The following PHF10 variants were observed in gnomAD, a reference collection of about 807,000 sequenced individuals.
PHF10 encodes BRG1-associated factor 45a.
A neutral mutation model predicts 68.5 loss-of-function variants in PHF10; 51 were observed. The ratio of observed to expected loss-of-function variants is 0.74; its 90% CI spans 0.59 to 0.94. The LOEUF is 0.94. Among genes scored for constraint, PHF10 ranks in the 40% least tolerant of loss-of-function variants. The pLI, the probability that PHF10 is intolerant of heterozygous loss-of-function variation, is 0.00. For missense variants in PHF10, 460 were observed against 602.6 expected, an observed-to-expected ratio of 0.76 and a Z score of 2.48; for synonymous variants, 204 against 203.5, an observed-to-expected ratio of 1.00 and a Z score of -0.02.
intron 9 of PHF10, chr6:169,707,090 A>C (rs1407598413): frequency 6.6e-6 from 1 of 152,360 alleles, no homozygotes; most frequent in Non-Finnish European, 1.5e-5. Flanking sequence ...AATAGAATAA[A>C]AACAAGAACT....
At chr6:169,709,228 A>C (rs1788874402) in intron 9 of PHF10, 1 of 152,202 alleles carries the variant, frequency 6.6e-6, no homozygotes, top group Non-Finnish European at 1.5e-5. Context: ...GACTTACTTC[A>C]GCCTGTTCTT....
chr6:169,721,457 A>C (rs1426092331), intron 1 of PHF10, among the ~76,000 whole-genome samples: 2 of 152,234 alleles, frequency 1.3e-5, no homozygotes, highest in South Asian at 4.1e-4. Context: ...TACAGTTCTC[A>C]ATTCAACTTG....
chr6:169,710,271 G>T lies in PHF10; in HGVS notation c.1078C>A (p.Arg360Ser), dbSNP rs1365371447. The change falls in exon 9 of 12, where the codon CGT (arginine) becomes AGT (serine). Residue 360 changes from arginine to serine, a missense_variant. Transcript: ENST00000339209. ...GGAACTGACTTGGACAGTACAGAAC[G>T]TTTGGGACCATCTTTTCTTGGAGTG... ...AATPRKDGPK[R>S]SVLSKSVPGY... is the part of the protein sequence containing the mutation. The T allele has an allele frequency of 6.2e-7, 1 of 1,612,810 alleles. No individual in the cohort carries two copies. The highest frequency in any genetic ancestry group is 1.1e-5 in the South Asian group (1 of 91,038).
At chr6:169,704,440 T>C (rs533438568) in intron 11 of PHF10, 23 of 229,790 alleles carry the variant, frequency 1.0e-4, no homozygotes, top group Non-Finnish European at 1.9e-4. Context: ...TCTCTCCTGC[T>C]CACTGGCAGC....
chr6:169,722,568 T>C (rs1789204947), intron 1 of PHF10, among the ~76,000 whole-genome samples: 1 of 152,224 alleles, frequency 6.6e-6, no homozygotes, highest in Non-Finnish European at 1.5e-5. Flanking sequence ...TGTTTTAAAT[T>C]ACTACTACAA....
chr6:169,712,032 CT>C (rs1788937134), intron 8 of PHF10, among the ~76,000 whole-genome samples: 1 of 152,130 alleles, frequency 6.6e-6, no homozygotes. Flanking sequence ...AGCAAATGCA[CT>C]CCCCTCAACT....
intron 7 of PHF10, among the ~76,000 whole-genome samples, chr6:169,713,184 C>T (rs1788965126): frequency 6.6e-6 from 1 of 152,120 alleles, no homozygotes; most frequent in South Asian, 2.1e-4. Context: ...CCTCAGTAGC[C>T]CCCATTCAGG....
At chr6:169,716,248 A>G (rs569865422) in intron 4 of PHF10, among the ~76,000 whole-genome samples, 160 bp from the exon 5 acceptor site, 1 of 152,332 alleles carries the variant, frequency 6.6e-6, no homozygotes, top group Non-Finnish European at 1.5e-5. Context: ...ATTAAACTTA[A>G]TATTCACAAT....
intron 7 of PHF10, among the ~76,000 whole-genome samples, chr6:169,714,081 A>G (rs578011207): frequency 6.6e-6 from 1 of 151,830 alleles, no homozygotes; most frequent in Non-Finnish European, 1.5e-5. Context: ...AAATCACACT[A>G]CCACACTCCA....
At chr6:169,704,178 C>A (rs117299617) in intron 11 of PHF10, 90 bp from the exon 12 acceptor site, 1 of 880,478 alleles carries the variant, frequency 1.1e-6, no homozygotes, top group Non-Finnish European at 1.7e-6. Flanking sequence ...TTAGCTATCA[C>A]TAATGATATT....
intron 1 of PHF10, among the ~76,000 whole-genome samples, chr6:169,722,807 G>T (rs924955541): frequency 2.6e-5 from 4 of 152,212 alleles, no homozygotes; most frequent in African/African-American, 9.7e-5. Context: ...CAGATCAGAT[G>T]AATTTCTATG....
rs1237628119 is a variant in PHF10 at position 169,724,484 on chromosome 6, G to A, written c.-553C>T. Among the ~76,000 whole-genome samples, 4 of 104,122 alleles carry A rather than the reference G, an allele frequency of 3.8e-5. No homozygotes were observed. The highest frequency in any genetic ancestry group is 3.9e-5 in the Non-Finnish European group (2 of 51,170). The allele number at this position is 104,122 out of a possible 152,430, so 68.3% of individuals were successfully genotyped here. A position where few individuals can be genotyped will look rare whatever the true frequency, so the allele number is the denominator to read the frequency against. ...GCCCCGCCGCCGCCTGGCTCCCCAC[G>A]GCCCGGCGTTGTACTCGGCCGCGGC... On this transcript the variant is annotated 5_prime_UTR_variant, in exon 1 of 12. Coordinates refer to ENST00000339209, the MANE Select transcript of PHF10 (RefSeq NM_018288.4).
chr6:169,705,391 A>G, intron 10 of PHF10, 70 bp from the exon 11 acceptor site: 1 of 1,071,872 alleles, frequency 9.3e-7, no homozygotes, highest in Non-Finnish European at 1.4e-6. Context: ...ATAAAATACT[A>G]GTTTGCTTTA....
Position 169,703,950 on chromosome 6 carries a change from G to A in PHF10, c.*53C>T, listed in dbSNP as rs1788649189. ...TTGGCATGAAAATAATGTTGTAAAT[G>A]GCACCAAATATTCCACTTAAATGCA... On this transcript the variant is annotated 3_prime_UTR_variant, in exon 12 of 12. Transcript: ENST00000339209. The A allele has an allele frequency of 2.2e-6, 3 of 1,339,070 alleles. No homozygotes were observed. The East Asian group carries it at 7.9e-5, about 35-fold the overall frequency. The allele number at this position is 1,339,070 out of a possible 1,614,324, so 82.9% of individuals were successfully genotyped here.
In PHF10 at chr6:169,719,373, C is replaced by T. The variant is rs147811945; in HGVS notation, c.195-455G>A. 5.7e-3 allele frequency: 880 copies of T among 155,058 alleles called. 3 individuals are homozygous for T. Among genetic ancestry groups the T allele is most frequent in the Middle Eastern group, 9.9e-3 (3 of 302 alleles). 9.6% of individuals were successfully genotyped at this position (155,058 alleles called of 1,614,324 possible). ...CAGAACTCTTAAAAACCTATTATCT[C>T]AGTGCATCATATCATAAACCGTAAC... On this transcript the variant is annotated intron_variant, in intron 2 of 11. Transcript: ENST00000339209.
chr6:169,718,468 G>A (rs952374203), intron 3 of PHF10, among the ~76,000 whole-genome samples: 20 of 152,088 alleles, frequency 1.3e-4, no homozygotes, highest in African/African-American at 4.3e-4. Context: ...TTGAGACCAC[G>A]CTGGGCAACA....
intron 3 of PHF10, 150 bp from the exon 4 acceptor site, chr6:169,718,056 C>A: frequency 4.3e-6 from 2 of 467,644 alleles, no homozygotes; most frequent in Non-Finnish European, 7.7e-6. Context: ...TTTATAAATT[C>A]AAGAAATAAA....
intron 3 of PHF10, 59 bp from the exon 4 acceptor site, chr6:169,717,965 CT>C: frequency 1.4e-6 from 1 of 715,020 alleles, no homozygotes. Flanking sequence ...ACTTGTAAAA[CT>C]TTTAAAAGCT....
intron 7 of PHF10, among the ~76,000 whole-genome samples, chr6:169,713,136 G>A (rs758578118): frequency 6.6e-6 from 1 of 152,050 alleles, no homozygotes; most frequent in East Asian, 1.9e-4. Context: ...TCTTCCCCTA[G>A]GTCAGACAGC....
Sources: allele counts gnomAD v4.1 joint callset (sites outside exome capture counted in the v4.1 genomes callset), GRCh38; gene constraint gnomAD v4.1.1; transcripts MANE v1.5; gene names NCBI Gene and HGNC (gene_info 2026-07-23, HGNC 2026-07-21).